Variants in MAST2 observed in about 807,000 individuals in gnomAD.
MAST2 encodes the protein microtubule associated serine/threonine kinase 2, also known as microtubule-associated serine/threonine-protein kinase 2.
MAST2 carries 70 observed loss-of-function variants against 147.4 expected under a neutral mutation model. That is an observed-to-expected ratio of 0.47 (90% CI 0.39 to 0.58). The LOEUF (loss-of-function observed/expected upper bound fraction) is 0.58, where lower values mean the gene tolerates loss of function less well. Ranked by LOEUF, MAST2 falls within the 20% of genes least tolerant of loss-of-function variation. MAST2 has a pLI of 0.00. For synonymous variants in MAST2, 869 were observed against 896.8 expected, an observed-to-expected ratio of 0.97 and a Z score of 0.55; for missense variants, 2,080 against 2,302.3, an observed-to-expected ratio of 0.90 and a Z score of 1.98.
rs202097759 is a variant in MAST2 at position 46,034,947 on chromosome 1, C to G, written c.4278C>G (p.Arg1426=). ...CTGAGAAGAAGCTAGCCACTTCTCG[C>G]AAGCACAGCCTTGACCTGCCCCACT... ...AASEKKLATS[R]KHSLDLPHSE... is the part of the protein sequence containing the mutation. The change falls in exon 29 of 29, where the codon CGC becomes CGG. Residue 1426 remains arginine (R), a synonymous_variant. Coordinates refer to ENST00000361297, the MANE Select transcript of MAST2 (RefSeq NM_015112.3). 3.7e-6 allele frequency: 6 copies of G among 1,614,128 alleles called. No homozygotes were observed. The highest frequency in any genetic ancestry group is 4.2e-6 in the Non-Finnish European group (5 of 1,180,038).
chr1:46,030,880 G>A, intron 22 of MAST2, 119 bp downstream of exon 22: 9 of 1,471,386 alleles, frequency 6.1e-6, no homozygotes, highest in Non-Finnish European at 8.2e-6. Flanking sequence ...GCATTCACAA[G>A]GGTGGCTCCT....
Position 45,987,777 on chromosome 1 carries a change from A to ATTTTTTTTTTTTT in MAST2, c.593-9935_593-9923dup. Among the ~76,000 whole-genome samples the ATTTTTTTTTTTTT allele has an allele frequency of 1.9e-3, 41 of 21,806 alleles. 1 individual carries two copies. Among genetic ancestry groups the ATTTTTTTTTTTTT allele is most frequent in the Admixed American group, 3.8e-3 (5 of 1,320 alleles). 14.3% of individuals were successfully genotyped at this position (21,806 alleles called of 152,430 possible). A position where few individuals can be genotyped will look rare whatever the true frequency, so the allele number is the denominator to read the frequency against. ...AGCATTTCTTGTTTTTTTTTTTTTG[A>ATTTTTTTTTTTTT]TTTTTTTTTTTTTTTTTTTTTTTTG... is the stretch of plus-strand genomic sequence containing the variant. On this transcript the variant is annotated intron_variant, in intron 5 of 28. Coordinates refer to ENST00000361297, the MANE Select transcript of MAST2 (RefSeq NM_015112.3).
intron 1 of MAST2, among the ~76,000 whole-genome samples, chr1:45,807,243 CTT>C (rs1278415546): frequency 2.6e-5 from 4 of 152,068 alleles, no homozygotes; most frequent in African/African-American, 9.7e-5. Context: ...TAACTGCTCT[CTT>C]GTGTGTCTTT....
At chr1:46,016,523 C>A (rs1188733004) in intron 10 of MAST2, among the ~76,000 whole-genome samples, 1 of 152,082 alleles carries the variant, frequency 6.6e-6, no homozygotes, top group Non-Finnish European at 1.5e-5. Flanking sequence ...CACAAGCATT[C>A]TTATACACCA....
intron 3 of MAST2, among the ~76,000 whole-genome samples, chr1:45,830,366 G>C (rs914211721): frequency 1.1e-4 from 17 of 151,310 alleles, no homozygotes; most frequent in African/African-American, 3.9e-4. Context: ...GTAGAGATGG[G>C]GTTTCACCAC....
intron 4 of MAST2, among the ~76,000 whole-genome samples, chr1:45,957,133 C>T (rs1659767722): frequency 6.6e-6 from 1 of 152,154 alleles, no homozygotes; most frequent in Admixed American, 6.5e-5. Flanking sequence ...ACCTGAGAGG[C>T]AAATTGTTCA....
In MAST2 at chr1:45,905,535, T is replaced by C. The variant is rs772011484; in HGVS notation, c.500+23140T>C. On this transcript the variant is annotated intron_variant, in intron 4 of 28. Transcript: ENST00000361297. ...GGCTCACGCCTATAATCTCAGCACT[T>C]TTGGAGGCCAAGGCGCGGATCACGA... Among the ~76,000 whole-genome samples, 47 of 152,228 alleles carry C rather than the reference T, an allele frequency of 3.1e-4. 1 individual carries two copies. In the Middle Eastern group the frequency reaches 0.034, roughly 110 times the overall value.
chr1:45,848,367 C>A (rs1282908690), intron 3 of MAST2, among the ~76,000 whole-genome samples: 1 of 152,202 alleles, frequency 6.6e-6, no homozygotes, highest in Non-Finnish European at 1.5e-5. Context: ...CATTTACTTA[C>A]CTTCTGGGAG....
At chr1:45,937,042 C>CT (rs34638611) in intron 4 of MAST2, among the ~76,000 whole-genome samples, 1 of 136,052 alleles carries the variant, frequency 7.4e-6, no homozygotes, top group Admixed American at 7.3e-5. Context: ...CATGCCTGGG[C>CT]TTTTTTTTTT....
chr1:45,917,253 C>A, intron 4 of MAST2: 1 of 949,556 alleles, frequency 1.1e-6, no homozygotes. Context: ...AGCTTTTTGC[C>A]TAAACCAAGC....
chr1:45,999,812 A>T (rs1645199847), intron 6 of MAST2, among the ~76,000 whole-genome samples: 1 of 152,132 alleles, frequency 6.6e-6, no homozygotes, highest in Admixed American at 6.5e-5. Flanking sequence ...TCAAACTAGT[A>T]CTTTTCAATT....
intron 10 of MAST2, among the ~76,000 whole-genome samples, chr1:46,015,597 C>A (rs1031450934): frequency 6.6e-5 from 10 of 152,156 alleles, no homozygotes; most frequent in African/African-American, 2.4e-4. Flanking sequence ...AATTCCTCGA[C>A]ACATACACCC....
chr1:45,917,925 T>G (rs781636334), intron 4 of MAST2, among the ~76,000 whole-genome samples: 1 of 152,128 alleles, frequency 6.6e-6, no homozygotes, highest in Non-Finnish European at 1.5e-5. Flanking sequence ...TTGAGGAAAA[T>G]AGCCCTTCTC....
intron 6 of MAST2, among the ~76,000 whole-genome samples, chr1:46,001,454 C>T (rs1645270951): frequency 6.6e-6 from 1 of 152,188 alleles, no homozygotes. Flanking sequence ...GAAATCCATC[C>T]CTGAGTTATA....
intron 3 of MAST2, among the ~76,000 whole-genome samples, chr1:45,852,461 A>C (rs1001780736): frequency 6.6e-6 from 1 of 151,790 alleles, no homozygotes; most frequent in African/African-American, 2.4e-5. Flanking sequence ...TCCCAGTCTC[A>C]GGTGATCCTC....
At chr1:46,024,826 C>T (rs187324763) in intron 15 of MAST2, among the ~76,000 whole-genome samples, 72 of 152,252 alleles carry the variant, frequency 4.7e-4, no homozygotes, top group African/African-American at 1.6e-3. Context: ...TTACTTTCCA[C>T]CCCCCTCCAT....
intron 5 of MAST2, among the ~76,000 whole-genome samples, chr1:45,992,744 C>G (rs1237448117): frequency 6.6e-6 from 1 of 152,044 alleles, no homozygotes; most frequent in East Asian, 1.9e-4. Flanking sequence ...ATCTAACAAG[C>G]TCTACCTTTT....
At chr1:45,902,374 A>G (rs902343263) in intron 4 of MAST2, among the ~76,000 whole-genome samples, 1 of 152,056 alleles carries the variant, frequency 6.6e-6, no homozygotes, top group Non-Finnish European at 1.5e-5. Flanking sequence ...GTGCTGCTGG[A>G]TTCAGTTTAC....
At chr1:45,821,327 A>T (rs765460917) in intron 1 of MAST2, among the ~76,000 whole-genome samples, 1 of 152,062 alleles carries the variant, frequency 6.6e-6, no homozygotes, top group South Asian at 2.1e-4. Flanking sequence ...GATCTCCTGT[A>T]TTTGACAAGT....
Sources: gnomAD v4.1 joint callset for allele counts (sites outside exome capture counted in the v4.1 genomes callset) on GRCh38, gnomAD v4.1.1 for gene constraint, MANE v1.5 for transcripts, NCBI Gene and HGNC (gene_info 2026-07-23, HGNC 2026-07-21) for gene names.